CELF2: variants seen among roughly 807,000 people sequenced by gnomAD.
CELF2 encodes CUGBP Elav-like family member 2, also known as CUG triplet repeat RNA-binding protein 2.
CELF2 carries 8 observed loss-of-function variants against 62.6 expected under a neutral mutation model. That is an observed-to-expected ratio of 0.13 (90% CI 0.07 to 0.23). The LOEUF (loss-of-function observed/expected upper bound fraction) is 0.23, where lower values mean the gene tolerates loss of function less well. CELF2 is among the 10% of genes least tolerant of loss of function. The pLI is 1.00. For missense variants in CELF2, 333 were observed against 671.0 expected, an observed-to-expected ratio of 0.50 and a Z score of 5.56; for synonymous variants, 258 against 250.0, an observed-to-expected ratio of 1.03 and a Z score of -0.30.
intron 1 of CELF2, among the ~76,000 whole-genome samples, chr10:11,043,556 CTT>C (rs1382952289): frequency 1.3e-5 from 2 of 152,124 alleles, no homozygotes; most frequent in Non-Finnish European, 2.9e-5. Flanking sequence ...GCATCGCAGA[CTT>C]CCGTGTCCTG....
the CELF2 span, among the ~76,000 whole-genome samples, chr10:10,663,854 G>C: frequency 6.6e-6 from 1 of 152,156 alleles, no homozygotes; most frequent in Non-Finnish European, 1.5e-5. Flanking sequence ...AGATTCTTCA[G>C]TATGTCATCG....
At chr10:10,672,834 A>G in the CELF2 span, among the ~76,000 whole-genome samples, 1 of 152,090 alleles carries the variant, frequency 6.6e-6, no homozygotes, top group East Asian at 1.9e-4. Flanking sequence ...CTACAAAACA[A>G]CTTGCTGAGA....
rs941394451 is a variant in CELF2 at position 10,832,739 on chromosome 10, C to G, written c.53+33922C>G. Among the ~76,000 whole-genome samples, 11 of 152,144 alleles carry G rather than the reference C, an allele frequency of 7.2e-5. No individual in the cohort carries two copies. In the South Asian group the frequency reaches 1.2e-3, roughly 17 times the overall value. On this transcript the variant is annotated intron_variant, in intron 1 of 13. Coordinates refer to the CELF2 transcript ENST00000636488. ...TAGTGGTAGTCTCAAAGTTGCTTCT[C>G]CCTTCCCCAGTGTCTTGTTTTTAAA...
the CELF2 span, among the ~76,000 whole-genome samples, chr10:10,463,661 C>T: frequency 6.6e-6 from 1 of 152,032 alleles, no homozygotes; most frequent in South Asian, 2.1e-4. Flanking sequence ...CATATTTTAG[C>T]CTCAGAAGCA....
At chr10:10,817,919 A>G (rs1218971001) in intron 1 of CELF2, among the ~76,000 whole-genome samples, 1 of 152,186 alleles carries the variant, frequency 6.6e-6, no homozygotes, top group Admixed American at 6.5e-5. Flanking sequence ...AATAGACCTG[A>G]ATTCAAATCC....
At position 11,194,666 on chromosome 10, in the gene CELF2, G is replaced by A. The variant is rs538538033; in HGVS notation, c.272-22759G>A. Among the ~76,000 whole-genome samples, 273 of 152,330 alleles carry A rather than the reference G, an allele frequency of 1.8e-3. 2 individuals carry two copies. Among genetic ancestry groups the A allele is most frequent in the African/African-American group, 6.3e-3 (260 of 41,580 alleles). On this transcript the variant is annotated intron_variant, in intron 2 of 12. Coordinates refer to ENST00000633077, the MANE Select transcript of CELF2 (RefSeq NM_001326342.2). ...TTTTGGTTATTATCAGCAAAGATCA[G>A]TGACATGTTAATATATTCGGCTATT...
At chr10:10,642,219 C>G in the CELF2 span, among the ~76,000 whole-genome samples, 1 of 152,210 alleles carries the variant, frequency 6.6e-6, no homozygotes, top group Non-Finnish European at 1.5e-5. Context: ...CTATCTGAGG[C>G]AAATTCTTCC....
At position 11,186,600 on chromosome 10, in the gene CELF2, T is replaced by C. The variant is rs1250550588; in HGVS notation, c.271+20918T>C. Among the ~76,000 whole-genome samples the C allele has an allele frequency of 2.6e-5, 4 of 152,212 alleles. No homozygotes were observed. In the East Asian group the frequency reaches 7.7e-4, roughly 29 times the overall value. On this transcript the variant is annotated intron_variant, in intron 2 of 12. Transcript: ENST00000633077. ...TGACCTGTGGGTTATTCAGAATGTG[T>C]CATTTAGTTTCTAAATACAGATTGC...
At chr10:11,049,658 ATACT>A (rs2063555327) in intron 1 of CELF2, among the ~76,000 whole-genome samples, 1 of 151,390 alleles carries the variant, frequency 6.6e-6, no homozygotes, top group Admixed American at 6.6e-5. Context: ...CTTCCGGCAC[ATACT>A]TAGAGAATTT....
chr10:10,571,948 T>A, the CELF2 span, among the ~76,000 whole-genome samples: 7 of 152,088 alleles, frequency 4.6e-5, no homozygotes, highest in Non-Finnish European at 1.0e-4. Flanking sequence ...ACAGCAATAC[T>A]CTTATTGCTG....
At chr10:11,175,606 C>T (rs1041010860) in intron 2 of CELF2, among the ~76,000 whole-genome samples, 6 of 152,172 alleles carry the variant, frequency 3.9e-5, no homozygotes, top group Admixed American at 2.6e-4. Flanking sequence ...TGGGGCAGCT[C>T]ACCCAGCAGT....
chr10:10,850,347 T>G (rs2059309075), intron 1 of CELF2, among the ~76,000 whole-genome samples: 1 of 152,196 alleles, frequency 6.6e-6, no homozygotes, highest in African/African-American at 2.4e-5. Flanking sequence ...CCTATGTAAC[T>G]TGGGACTGAA....
At chr10:11,282,262 G>A (rs2089197484) in intron 8 of CELF2, among the ~76,000 whole-genome samples, 1 of 152,216 alleles carries the variant, frequency 6.6e-6, no homozygotes, top group African/African-American at 2.4e-5. Flanking sequence ...GGTCAGAACA[G>A]CTCCAGATGG....
the CELF2 span, among the ~76,000 whole-genome samples, chr10:10,777,297 T>A: frequency 6.6e-6 from 1 of 152,170 alleles, no homozygotes. Flanking sequence ...CCCTGGTGCA[T>A]CCTCATACAG....
rs1476214128 is a variant in CELF2, at chr10:11,334,252, T to TGAAC, written c.*5200_*5203dup. On this transcript the variant is annotated 3_prime_UTR_variant, in exon 13 of 13. Transcript: ENST00000633077. ...TTTTCTGATTCTTCTGTCCTCATTG[T>TGAAC]GAACATAACCGTGTAGTTGAAACAG... is the stretch of plus-strand genomic sequence containing the variant. The TGAAC allele has an allele frequency of 1.3e-5, 2 of 152,684 alleles. No homozygotes were observed. The highest frequency in any genetic ancestry group is 2.9e-5 in the Non-Finnish European group (2 of 68,046). 9.5% of individuals were successfully genotyped at this position (152,684 alleles called of 1,614,324 possible).
intron 1 of CELF2, among the ~76,000 whole-genome samples, chr10:10,809,119 G>A (rs2131673689): frequency 6.6e-6 from 1 of 152,198 alleles, no homozygotes; most frequent in Middle Eastern, 3.4e-3. Context: ...GACGGGATTA[G>A]TATCCTTAAA....
Position 11,266,584 on chromosome 10 carries a change from C to T in CELF2, c.539-14C>T. 6.2e-7 allele frequency: 1 copy of T among 1,612,424 alleles called. No homozygotes were observed. The highest frequency in any genetic ancestry group is 8.5e-7 in the Non-Finnish European group (1 of 1,178,612). On this transcript the variant is annotated splice_polypyrimidine_tract_variant and intron_variant, in intron 5 of 12. Coordinates refer to ENST00000633077, the MANE Select transcript of CELF2 (RefSeq NM_001326342.2). ...TTTTGTCTTTCCTGCTCCCTGTCCC[C>T]TTGTTTCCCACAGGCTGTGCGTTTG...
rs977106234 is a variant in CELF2 at position 11,280,318 on chromosome 10, TGCCCGAGAA to T, written c.841+5202_841+5210del. On this transcript the variant is annotated intron_variant, in intron 8 of 12. Transcript: ENST00000633077. This position sits in a 1 kb window ranked among gnomAD's most constrained non-coding sequence, Gnocchi z 7.6. ...GGAGCAGGCCTGCGCCTGACACCTG[TGCCCGAGAA>T]GCCTAGTCCGGCTAAGAAGGGAGAG... Among the ~76,000 whole-genome samples, 58 of 152,290 alleles carry T rather than the reference TGCCCGAGAA, an allele frequency of 3.8e-4. No individual in the cohort carries two copies. Among genetic ancestry groups the T allele is most frequent in the African/African-American group, 1.3e-3 (55 of 41,560 alleles).
At chr10:10,547,673 T>TAGATAGAG in the CELF2 span, among the ~76,000 whole-genome samples, 1 of 135,346 alleles carries the variant, frequency 7.4e-6, no homozygotes, top group Admixed American at 7.5e-5. Flanking sequence ...ACCAAAAAGA[T>TAGATAGAG]AGAGAGAGAG....
Sources: gnomAD v4.1 joint callset for allele counts (sites outside exome capture counted in the v4.1 genomes callset) on GRCh38, gnomAD v4.1.1 for gene constraint, Gnocchi (gnomAD v3.1) non-coding constraint, MANE v1.5 for transcripts, NCBI Gene and HGNC (gene_info 2026-07-23, HGNC 2026-07-21) for gene names.